RGS6: variants seen among roughly 807,000 people sequenced by gnomAD.
The protein encoded by RGS6 is regulator of G protein signaling 6, also known as regulator of G-protein signaling 6.
In RGS6, 30 loss-of-function variants were observed where a neutral mutation model predicts 78.5. The observed-to-expected ratio is 0.38, with a 90% confidence interval of 0.29 to 0.52. RGS6 has a LOEUF of 0.52. Ranked by LOEUF, RGS6 falls within the 20% of genes least tolerant of loss-of-function variation. The pLI is 0.85. For missense variants in RGS6, 495 were observed against 609.7 expected (o/e 0.81, Z 1.98); for synonymous variants, 206 against 206.0 (o/e 1.00, Z 0.00).
chr14:72,522,781 A>G (rs1332547286), intron 15 of RGS6, among the ~76,000 whole-genome samples: 1 of 152,254 alleles, frequency 6.6e-6, no homozygotes, highest in African/African-American at 2.4e-5. Flanking sequence ...TTTGAATCAC[A>G]GACTGTAGTT....
chr14:72,440,050 C>A (rs1325887364), intron 3 of RGS6, among the ~76,000 whole-genome samples: 2 of 152,216 alleles, frequency 1.3e-5, no homozygotes, highest in Non-Finnish European at 2.9e-5. Context: ...CATTTCGGGG[C>A]CCTGTTAGCA....
chr14:72,041,632 C>A (rs1397204583), intron 2 of RGS6, among the ~76,000 whole-genome samples: 1 of 152,198 alleles, frequency 6.6e-6, no homozygotes, highest in Non-Finnish European at 1.5e-5. Context: ...CTGTGCCAGC[C>A]TGGGGAAAGG....
chr14:72,182,359 G>A (rs1202575981), intron 2 of RGS6, among the ~76,000 whole-genome samples: 3 of 145,302 alleles, frequency 2.1e-5, no homozygotes, highest in African/African-American at 7.7e-5. Flanking sequence ...AGAATCGCTT[G>A]AACCCGGGAG....
At chr14:72,285,706 C>T (rs1376557805) in intron 2 of RGS6, among the ~76,000 whole-genome samples, 1 of 152,172 alleles carries the variant, frequency 6.6e-6, no homozygotes, top group East Asian at 1.9e-4. Flanking sequence ...AATAGTCATC[C>T]TAACAGGTGT....
At chr14:72,465,008 A>G (rs1029862868) in intron 6 of RGS6, among the ~76,000 whole-genome samples, 3 of 152,236 alleles carry the variant, frequency 2.0e-5, no homozygotes, top group African/African-American at 7.2e-5. Flanking sequence ...TGTAGATGCT[A>G]TCTGAAACAC....
At chr14:72,215,183 C>T (rs1200847248) in intron 2 of RGS6, among the ~76,000 whole-genome samples, 2 of 152,216 alleles carry the variant, frequency 1.3e-5, no homozygotes, top group Non-Finnish European at 2.9e-5. Flanking sequence ...CTCTTCTCTT[C>T]CTCCTTTTCT....
intron 2 of RGS6, among the ~76,000 whole-genome samples, chr14:72,104,390 T>C (rs1272293918): frequency 2.0e-5 from 3 of 152,286 alleles, no homozygotes; most frequent in Non-Finnish European, 4.4e-5. Context: ...ATTTTTATTA[T>C]GTTACTTAAA....
At chr14:72,138,796 C>G (rs1322582860) in intron 2 of RGS6, among the ~76,000 whole-genome samples, 1 of 152,110 alleles carries the variant, frequency 6.6e-6, no homozygotes, top group Non-Finnish European at 1.5e-5. Context: ...TTATGAGAAT[C>G]TAATGCCTGA....
intron 2 of RGS6, among the ~76,000 whole-genome samples, chr14:72,205,649 C>G (rs187673970): frequency 6.6e-6 from 1 of 152,038 alleles, no homozygotes; most frequent in Non-Finnish European, 1.5e-5. Flanking sequence ...ATATTTAAGC[C>G]AAAGAAATAA....
At chr14:71,987,719 C>T (rs1291016085) in intron 2 of RGS6, among the ~76,000 whole-genome samples, 1 of 152,096 alleles carries the variant, frequency 6.6e-6, no homozygotes, top group African/African-American at 2.4e-5. Flanking sequence ...CAGGGTCTCA[C>T]TGTGCTGCCC....
intron 2 of RGS6, among the ~76,000 whole-genome samples, chr14:72,164,408 C>G (rs1174254068): frequency 6.6e-6 from 1 of 152,162 alleles, no homozygotes; most frequent in Non-Finnish European, 1.5e-5. Flanking sequence ...GCAGCCCTGC[C>G]TGGCCAGCCA....
At chr14:72,232,737 A>T (rs2049976058) in intron 2 of RGS6, among the ~76,000 whole-genome samples, 1 of 152,160 alleles carries the variant, frequency 6.6e-6, no homozygotes, top group Non-Finnish European at 1.5e-5. Context: ...GGGTTTCAGC[A>T]GGCACTGTGG....
the RGS6 span, among the ~76,000 whole-genome samples, chr14:71,916,048 T>G: frequency 1.3e-5 from 2 of 152,214 alleles, no homozygotes; most frequent in African/African-American, 2.4e-5. Flanking sequence ...ATAAGTGTTA[T>G]TTAAACCACA....
chr14:71,980,195 TG>T (rs1444337366), intron 2 of RGS6, among the ~76,000 whole-genome samples: 1 of 103,804 alleles, frequency 9.6e-6, no homozygotes, highest in African/African-American at 3.9e-5. Flanking sequence ...AGCACACTGA[TG>T]GGTCTTGACT....
chr14:72,469,696 C>T (rs888144301), intron 7 of RGS6: 1 of 220,568 alleles, frequency 4.5e-6, no homozygotes, highest in Non-Finnish European at 8.8e-6. Flanking sequence ...ACAATTTTCC[C>T]GATTTTCAGC....
chr14:71,889,128 C>T, the RGS6 span, among the ~76,000 whole-genome samples: 26 of 151,792 alleles, frequency 1.7e-4, no homozygotes, highest in African/African-American at 4.1e-4. Flanking sequence ...AATTCAGAGG[C>T]GGGCAGGATC....
At chr14:72,494,534 AT>A (rs2096618947) in intron 12 of RGS6, among the ~76,000 whole-genome samples, 1 of 152,168 alleles carries the variant, frequency 6.6e-6, no homozygotes, top group Non-Finnish European at 1.5e-5. Flanking sequence ...GTACTATTTT[AT>A]TATTCTAACT....
rs1265385495 is a variant in RGS6, at chr14:72,039,838, C to G, written c.84+74963C>G. Among the ~76,000 whole-genome samples the G allele has an allele frequency of 1.1e-4, 4 of 37,164 alleles. 1 individual carries two copies. In the South Asian group the frequency reaches 3.0e-3, roughly 28 times the overall value. The allele number at this position is 37,164 out of a possible 152,430, so 24.4% of individuals were successfully genotyped here. A position where few individuals can be genotyped will look rare whatever the true frequency, so the allele number is the denominator to read the frequency against. On this transcript the variant is annotated intron_variant, in intron 2 of 17. Transcript: ENST00000553525. ...ATTTTTTTTTTTTTTTTTTTGGTGA[C>G]ATGCTTTAATTCCTTTCTCATTTTC...
intron 2 of RGS6, among the ~76,000 whole-genome samples, chr14:71,977,733 C>T (rs2094211517): frequency 6.6e-6 from 1 of 151,568 alleles, no homozygotes; most frequent in African/African-American, 2.4e-5. Flanking sequence ...TTAGGATTGC[C>T]TTGGCGATGC....
Sources: allele counts gnomAD v4.1 joint callset (sites outside exome capture counted in the v4.1 genomes callset), GRCh38; gene constraint gnomAD v4.1.1; transcripts MANE v1.5; gene names NCBI Gene and HGNC (gene_info 2026-07-23, HGNC 2026-07-21).